DGKB: variants seen among roughly 807,000 people sequenced by gnomAD.
DGKB encodes the protein diacylglycerol kinase beta.
A neutral mutation model predicts 114.3 loss-of-function variants in DGKB; 67 were observed. The observed-to-expected ratio is 0.59, with a 90% confidence interval of 0.48 to 0.72. DGKB has a LOEUF of 0.72. Ranked by LOEUF, DGKB falls within the 30% of genes least tolerant of loss-of-function variation. The probability of loss-of-function intolerance (pLI) is 0.00; values close to 1 mark genes in which losing one functional copy is unlikely to be tolerated. For missense variants in DGKB, 907 were observed against 975.2 expected, an observed-to-expected ratio of 0.93 and a Z score of 0.93; for synonymous variants, 398 against 323.1, an observed-to-expected ratio of 1.23 and a Z score of -2.49.
chr7:14,303,641 A>G (rs1803942009), intron 23 of DGKB, among the ~76,000 whole-genome samples: 1 of 152,098 alleles, frequency 6.6e-6, no homozygotes, highest in Non-Finnish European at 1.5e-5. Flanking sequence ...GCATCTAATG[A>G]ATCATGGCAG....
Position 14,146,539 on chromosome 7 carries a change from A to G in DGKB, c.*2592T>C, listed in dbSNP as rs1318459678. 1 of 152,182 alleles carries G rather than the reference A, an allele frequency of 6.6e-6. No individual in the cohort carries two copies. Among genetic ancestry groups the G allele is most frequent in the African/African-American group, 2.4e-5 (1 of 41,456 alleles). 9.4% of individuals were successfully genotyped at this position (152,182 alleles called of 1,614,324 possible). On this transcript the variant is annotated 3_prime_UTR_variant, in exon 26 of 26. Coordinates refer to ENST00000402815, the MANE Select transcript of DGKB (RefSeq NM_001350709.2). The stretch of plus-strand genomic sequence containing the variant: ...TCATCATTCAATATTTTAATATACT[A>G]TAGAATTTTCCTTAAACTATATATT...
chr7:14,715,641 T>C (rs988873070), intron 6 of DGKB, among the ~76,000 whole-genome samples: 1 of 152,034 alleles, frequency 6.6e-6, no homozygotes, highest in Non-Finnish European at 1.5e-5. Flanking sequence ...AGAATTAGGA[T>C]TGCATAAAGG....
chr7:14,406,447 A>T (rs1823939389), intron 21 of DGKB, among the ~76,000 whole-genome samples: 1 of 152,034 alleles, frequency 6.6e-6, no homozygotes, highest in South Asian at 2.1e-4. Context: ...CCTGACCCTG[A>T]TATAAAGAAA....
chr7:14,176,643 T>C, intron 25 of DGKB, 196 bp downstream of exon 25: 1 of 1,317,136 alleles, frequency 7.6e-7, no homozygotes, highest in Non-Finnish European at 9.7e-7. Context: ...ATTCAAGAGC[T>C]AAATCATTGC....
intron 23 of DGKB, among the ~76,000 whole-genome samples, chr7:14,182,574 T>C (rs1191555481): frequency 6.6e-6 from 1 of 152,188 alleles, no homozygotes; most frequent in African/African-American, 2.4e-5. Flanking sequence ...GAATGGAATT[T>C]GTCATTTTAA....
chr7:14,887,668 C>T (rs963515245), intron 1 of DGKB, among the ~76,000 whole-genome samples: 1 of 151,752 alleles, frequency 6.6e-6, no homozygotes, highest in Non-Finnish European at 1.5e-5. Context: ...TCTAAAATAG[C>T]ACATTAATTA....
chr7:14,579,617 G>T (rs930318220), intron 19 of DGKB, among the ~76,000 whole-genome samples: 1 of 151,972 alleles, frequency 6.6e-6, no homozygotes, highest in Non-Finnish European at 1.5e-5. Flanking sequence ...GAACTCTAAT[G>T]CAACTCATGA....
chr7:14,616,000 T>C (rs1356364204), intron 15 of DGKB, among the ~76,000 whole-genome samples: 1 of 151,186 alleles, frequency 6.6e-6, no homozygotes, highest in Non-Finnish European at 1.5e-5. Flanking sequence ...ATATCTTACA[T>C]TAATATTTTT....
chr7:14,279,992 G>A (rs531434397), intron 23 of DGKB, among the ~76,000 whole-genome samples: 10 of 152,236 alleles, frequency 6.6e-5, no homozygotes, highest in South Asian at 2.1e-4. Context: ...CACCAGTAAC[G>A]GAACAAAGCT....
intron 2 of DGKB, among the ~76,000 whole-genome samples, chr7:14,787,726 C>G (rs1238034010): frequency 1.3e-5 from 2 of 152,204 alleles, no homozygotes; most frequent in Admixed American, 6.5e-5. Flanking sequence ...TGAGAGGCCT[C>G]CCTCCTCCAG....
rs111603279 is a variant in DGKB at position 14,184,901 on chromosome 7, A to G, written c.2123-6750T>C. ...AATGTAATAAAAGCCATCTATTACA[A>G]ACTCACAGCCAACATAATACTGAAT... On this transcript the variant is annotated intron_variant, in intron 23 of 25. Transcript: ENST00000402815. 2.6e-3 allele frequency among the ~76,000 whole-genome samples: 396 copies of G among 152,286 alleles called. 2 individuals carry two copies. The highest frequency in any genetic ancestry group is 9.2e-3 in the African/African-American group (384 of 41,552).
intron 6 of DGKB, among the ~76,000 whole-genome samples, chr7:14,705,506 A>T (rs1335174673): frequency 6.6e-6 from 1 of 151,478 alleles, no homozygotes; most frequent in Non-Finnish European, 1.5e-5. Flanking sequence ...TCCAAGACAC[A>T]TAATTGTCAG....
intron 23 of DGKB, among the ~76,000 whole-genome samples, chr7:14,258,225 A>G (rs967862453): frequency 3.3e-5 from 5 of 152,222 alleles, no homozygotes; most frequent in African/African-American, 1.2e-4. Context: ...CCATGTATTC[A>G]AGTATGGTTG....
chr7:14,309,229 A>AT (rs1321668672), intron 23 of DGKB, among the ~76,000 whole-genome samples: 2 of 152,158 alleles, frequency 1.3e-5, no homozygotes, highest in African/African-American at 4.8e-5. Flanking sequence ...AGAAAAAAAA[A>AT]GTAAAATACT....
chr7:14,735,532 C>A (rs566917486), intron 5 of DGKB, among the ~76,000 whole-genome samples: 1 of 152,228 alleles, frequency 6.6e-6, no homozygotes, highest in South Asian at 2.1e-4. Flanking sequence ...TGTAAGTATG[C>A]ATCTCTAAAA....
chr7:14,848,129 T>A (rs1057012777), intron 1 of DGKB, among the ~76,000 whole-genome samples: 13 of 152,158 alleles, frequency 8.5e-5, no homozygotes, highest in African/African-American at 2.4e-4. Flanking sequence ...AGGACAAGAA[T>A]GGAAGGGGGA....
upstream of DGKB, among the ~76,000 whole-genome samples, chr7:14,906,683 C>T (rs753121015): frequency 2.6e-5 from 4 of 151,960 alleles, no homozygotes; most frequent in Non-Finnish European, 4.4e-5. Flanking sequence ...GAACTCCTGA[C>T]CTCGTGATCC....
intron 17 of DGKB, among the ~76,000 whole-genome samples, chr7:14,600,244 C>T (rs1244092083): frequency 1.3e-5 from 2 of 152,126 alleles, no homozygotes; most frequent in African/African-American, 4.8e-5. Context: ...GGGCATTGAT[C>T]CAACTCATGA....
chr7:14,693,042 G>A (rs771147869), intron 9 of DGKB, among the ~76,000 whole-genome samples: 28 of 152,018 alleles, frequency 1.8e-4, no homozygotes, highest in Admixed American at 8.5e-4. Flanking sequence ...CTTGAGAAAT[G>A]ACTTTTAAAA....
Sources: allele counts gnomAD v4.1 joint callset (sites outside exome capture counted in the v4.1 genomes callset), GRCh38; gene constraint gnomAD v4.1.1; transcripts MANE v1.5; gene names NCBI Gene and HGNC (gene_info 2026-07-23, HGNC 2026-07-21).